Variants in MGRN1 observed in about 807,000 individuals in gnomAD.
MGRN1 encodes the protein E3 ubiquitin-protein ligase MGRN1.
A neutral mutation model predicts 69.2 loss-of-function variants in MGRN1; 29 were observed. The observed-to-expected ratio is 0.42, with a 90% confidence interval of 0.31 to 0.57. The LOEUF is 0.57. MGRN1 is among the 20% of genes least tolerant of loss of function. The pLI is 0.15. For synonymous variants in MGRN1, 470 were observed against 344.2 expected, an observed-to-expected ratio of 1.37 and a Z score of -4.04; for missense variants, 998 against 796.2, an observed-to-expected ratio of 1.25 and a Z score of -3.05.
intron 5 of MGRN1, among the ~76,000 whole-genome samples, chr16:4,660,088 C>T (rs897620802): frequency 1.1e-4 from 17 of 152,342 alleles, no homozygotes; most frequent in Admixed American, 6.5e-5. Context: ...CATGGCTTAG[C>T]ATCAAGAGCG....
intron 4 of MGRN1, among the ~76,000 whole-genome samples, chr16:4,654,464 A>G (rs1176237439): frequency 6.6e-6 from 1 of 152,274 alleles, no homozygotes; most frequent in Non-Finnish European, 1.5e-5. Flanking sequence ...AGCTGGCAGG[A>G]CTGCCTCCAG....
chr16:4,648,723 C>G (rs1379538871), intron 1 of MGRN1, among the ~76,000 whole-genome samples: 40 of 99,048 alleles, frequency 4.0e-4, no homozygotes, highest in African/African-American at 1.7e-3. Context: ...GGTCACCCGG[C>G]TCCTCCTCTC....
At chr16:4,681,136 C>G (rs1341869337) in intron 12 of MGRN1, among the ~76,000 whole-genome samples, 1 of 152,232 alleles carries the variant, frequency 6.6e-6, no homozygotes, top group Non-Finnish European at 1.5e-5. Context: ...AACAGCTCAG[C>G]TCTCCCTGGT....
intron 8 of MGRN1, among the ~76,000 whole-genome samples, chr16:4,670,175 C>T (rs570982383): frequency 3.3e-5 from 5 of 149,650 alleles, no homozygotes; most frequent in South Asian, 2.1e-4. Flanking sequence ...AGTGATTTCT[C>T]GTTCAGGCTC....
intron 10 of MGRN1, 89 bp from the exon 11 acceptor site, chr16:4,677,374 G>T (rs1000639253): frequency 4.1e-5 from 37 of 898,322 alleles, no homozygotes; most frequent in East Asian, 1.2e-4. Flanking sequence ...CCTATGGTGT[G>T]GGGGGGGTGT....
At chr16:4,667,725 C>A (rs1026380158) in intron 7 of MGRN1, among the ~76,000 whole-genome samples, 2 of 152,214 alleles carry the variant, frequency 1.3e-5, no homozygotes, top group African/African-American at 2.4e-5. Context: ...GAACTCTGAG[C>A]GGTGGTGTGT....
intron 4 of MGRN1, 73 bp from the exon 5 acceptor site, chr16:4,657,173 C>G (rs1428921464): frequency 5.0e-6 from 7 of 1,402,646 alleles, no homozygotes; most frequent in South Asian, 1.2e-5. Context: ...TTCCAGCTGT[C>G]GGAGTGGGAG....
chr16:4,641,078 C>T (rs1327255759), intron 1 of MGRN1, among the ~76,000 whole-genome samples: 1 of 152,224 alleles, frequency 6.6e-6, no homozygotes, highest in Non-Finnish European at 1.5e-5. Context: ...TCCCACTTCC[C>T]ACTCACAGTC....
intron 1 of MGRN1, chr16:4,640,477 A>G (rs1305131784): frequency 6.6e-6 from 1 of 152,248 alleles, no homozygotes; most frequent in African/African-American, 2.4e-5. Context: ...AGCCACCCAG[A>G]GTCCGAATCC....
chr16:4,662,499 GAT>G (rs1210715995), intron 5 of MGRN1, among the ~76,000 whole-genome samples: 2 of 150,308 alleles, frequency 1.3e-5, no homozygotes, highest in Non-Finnish European at 2.9e-5. Context: ...CTGGGTAACA[GAT>G]CAAGACTCTG....
chr16:4,690,557 TAC>T lies in MGRN1; in HGVS notation c.*1659_*1660del, dbSNP rs770744029. Reference sequence around the variant, plus strand: ...ACAGGCACGCAGATGCGCTCACACGTACACACACACAAATGCACGCCCACTTG... The same window carrying T: ...ACAGGCACGCAGATGCGCTCACACGTACACACACAAATGCACGCCCACTTG... On this transcript the variant is annotated 3_prime_UTR_variant, in exon 17 of 17. Transcript: ENST00000262370. The T allele has an allele frequency of 2.0e-4, 30 of 152,366 alleles. No individual in the cohort carries two copies. Among genetic ancestry groups the T allele is most frequent in the South Asian group, 1.0e-3 (5 of 4,846 alleles). The allele number at this position is 152,366 out of a possible 1,614,324, so 9.4% of individuals were successfully genotyped here.
At chr16:4,665,581 C>G (rs555470692) in intron 7 of MGRN1, among the ~76,000 whole-genome samples, 1 of 151,562 alleles carries the variant, frequency 6.6e-6, no homozygotes, top group South Asian at 2.1e-4. Flanking sequence ...GTTGGCCAGA[C>G]TGGTCTCAAA....
chr16:4,674,051 C>T (rs1327562003), intron 10 of MGRN1, among the ~76,000 whole-genome samples: 2 of 152,198 alleles, frequency 1.3e-5, no homozygotes, highest in Non-Finnish European at 2.9e-5. Flanking sequence ...GTAGCGAGTT[C>T]TCAGCTTACT....
At chr16:4,632,611 G>C (rs569114920) in intron 1 of MGRN1, among the ~76,000 whole-genome samples, 13 of 152,162 alleles carry the variant, frequency 8.5e-5, no homozygotes, top group African/African-American at 3.1e-4. Context: ...AGCCAGGATG[G>C]TCTCGATCTC....
chr16:4,648,017 A>G (rs1160010718), intron 1 of MGRN1, among the ~76,000 whole-genome samples: 1 of 152,076 alleles, frequency 6.6e-6, no homozygotes, highest in Non-Finnish European at 1.5e-5. Flanking sequence ...GACACAGACC[A>G]TGCAGCGCCT....
At chr16:4,648,212 A>C (rs1428180808) in intron 1 of MGRN1, among the ~76,000 whole-genome samples, 1 of 152,140 alleles carries the variant, frequency 6.6e-6, no homozygotes, top group Non-Finnish European at 1.5e-5. Context: ...AGGTCCCTGC[A>C]GCTACCCGGG....
chr16:4,663,312 C>CT (rs1249072647), intron 5 of MGRN1, among the ~76,000 whole-genome samples: 1 of 150,620 alleles, frequency 6.6e-6, no homozygotes, highest in East Asian at 2.0e-4. Context: ...GATCCGCCAC[C>CT]TAGGCCTCCC....
Position 4,637,963 on chromosome 16 carries a change from C to T in MGRN1, c.89-12402C>T, listed in dbSNP as rs188720112. 2.6e-5 allele frequency among the ~76,000 whole-genome samples: 4 copies of T among 152,360 alleles called. No individual in the cohort carries two copies. In the East Asian group the frequency reaches 7.7e-4, roughly 29 times the overall value. On this transcript the variant is annotated intron_variant, in intron 1 of 16. Transcript: ENST00000262370. ...TTATGCCCCCTCCGTGCCCCAGCGT[C>T]TTTGCTTAGTCAGAGTTGTTCTCAG... is the stretch of plus-strand genomic sequence containing the variant.
chr16:4,679,265 CCT>C (rs1166578503), intron 11 of MGRN1, among the ~76,000 whole-genome samples: 4 of 152,178 alleles, frequency 2.6e-5, no homozygotes, highest in African/African-American at 7.2e-5. Context: ...TTTGCCCCTC[CCT>C]GTTTGTGTTC....
Sources: gnomAD v4.1 joint callset for allele counts (sites outside exome capture counted in the v4.1 genomes callset) on GRCh38, gnomAD v4.1.1 for gene constraint, MANE v1.5 for transcripts, NCBI Gene and HGNC (gene_info 2026-07-23, HGNC 2026-07-21) for gene names.